The following UBE2O variants were observed in gnomAD, a reference collection of about 807,000 sequenced individuals.
UBE2O encodes the protein ubiquitin conjugating enzyme E2 O.
Under a neutral mutation model 125.8 loss-of-function variants are expected in UBE2O, and 15 were observed. The ratio of observed to expected loss-of-function variants is 0.12; its 90% CI spans 0.08 to 0.18. The LOEUF (loss-of-function observed/expected upper bound fraction) is 0.18. Among genes scored for constraint, UBE2O ranks in the 10% least tolerant of loss-of-function variants. The probability of loss-of-function intolerance (pLI) is 1.00; values close to 1 mark genes in which losing one functional copy is unlikely to be tolerated. For missense variants in UBE2O, 1,280 were observed against 1,723.6 expected (o/e 0.74, Z 4.56); for synonymous variants, 708 against 703.2 (o/e 1.01, Z -0.11).
chr17:76,412,044 T>C (rs948709101), intron 1 of UBE2O, among the ~76,000 whole-genome samples: 3 of 152,168 alleles, frequency 2.0e-5, no homozygotes, highest in African/African-American at 7.2e-5. Context: ...TCCAGCATCA[T>C]GCCAAGTGCC....
chr17:76,415,941 G>A lies in UBE2O; in HGVS notation c.418-10369C>T, dbSNP rs147327848. ...TGCACATACACGTATATACGTATGC[G>A]TATACATATGCACATACACGTATAT... is the stretch of plus-strand genomic sequence containing the variant. On this transcript the variant is annotated intron_variant, in intron 1 of 17. Transcript: ENST00000319380. 7.3e-3 allele frequency among the ~76,000 whole-genome samples: 978 copies of A among 133,650 alleles called. 7 individuals carry two copies. Among genetic ancestry groups the A allele is most frequent in the African/African-American group, 0.021 (839 of 39,800 alleles). The allele number at this position is 133,650 out of a possible 152,430, so 87.7% of individuals were successfully genotyped here.
In UBE2O at chr17:76,400,011, T is replaced by G; in HGVS notation, c.1156-90A>C. ...TCTCAGGCTGGGGGGATGACAGCTG[T>G]ATACACCTGAGTAGCCGGCAAGGGT... is the stretch of plus-strand genomic sequence containing the variant. On this transcript the variant is annotated intron_variant, in intron 8 of 17. Transcript: ENST00000319380. This position sits in a 1 kb window ranked among gnomAD's most constrained non-coding sequence, Gnocchi z 4.3. 6.5e-7 allele frequency: 1 copy of G among 1,528,482 alleles called. No homozygotes were observed. The highest frequency in any genetic ancestry group is 1.3e-5 in the South Asian group (1 of 78,724). The allele number at this position is 1,528,482 out of a possible 1,614,324, so 94.7% of individuals were successfully genotyped here. A position where few individuals can be genotyped will look rare whatever the true frequency, so the allele number is the denominator to read the frequency against.
intron 1 of UBE2O, among the ~76,000 whole-genome samples, chr17:76,424,098 C>T (rs148402990): frequency 0.022 from 3,266 of 151,464 alleles, 88 homozygotes; most frequent in South Asian, 0.089. Context: ...TTAGTAGAGA[C>T]GGGGTTTCAC....
In UBE2O at chr17:76,399,108, C is replaced by T; in HGVS notation, c.1629-117G>A. On this transcript the variant is annotated intron_variant, in intron 9 of 17. Transcript: ENST00000319380. This position sits in a 1 kb window ranked among gnomAD's most constrained non-coding sequence, Gnocchi z 6.9. The stretch of plus-strand genomic sequence containing the variant: ...GCTTGGTAACCTGAAACTCTGAATC[C>T]CAGGTTGGCAGGATGAGTCTCTGGT... 7.4e-7 allele frequency: 1 copy of T among 1,360,358 alleles called. No individual in the cohort carries two copies. The highest frequency in any genetic ancestry group is 1.4e-5 in the South Asian group (1 of 70,872). 84.3% of individuals were successfully genotyped at this position (1,360,358 alleles called of 1,614,324 possible). A position where few individuals can be genotyped will look rare whatever the true frequency, so the allele number is the denominator to read the frequency against.
intron 1 of UBE2O, among the ~76,000 whole-genome samples, chr17:76,450,410 T>A (rs1191212089): frequency 2.6e-5 from 4 of 152,000 alleles, no homozygotes; most frequent in Admixed American, 1.3e-4. Context: ...CTATTCTAAA[T>A]CCTAAAAGAA....
intron 5 of UBE2O, chr17:76,401,601 G>A (rs1392370406): frequency 5.3e-5 from 9 of 169,854 alleles, no homozygotes; most frequent in Non-Finnish European, 1.0e-4. Context: ...TAATACTGCC[G>A]GGCGCGGTGG....
rs1452301306 is a variant in UBE2O, at chr17:76,396,095, G to A, written c.2809+33C>T. 6.2e-7 allele frequency: 1 copy of A among 1,604,434 alleles called. No individual in the cohort carries two copies. Among genetic ancestry groups the A allele is most frequent in the Admixed American group, 1.7e-5 (1 of 59,298 alleles). ...ACAAACAGGAGCCCCGAGAAGGCGG[G>A]GGAAGGCGAAGACCAGGCAAGGGCT... On this transcript the variant is annotated intron_variant, in intron 14 of 17. Transcript: ENST00000319380. The surrounding 1 kb of genome is among the most constrained non-coding windows in gnomAD (Gnocchi z 6.7).
chr17:76,425,717 C>T (rs1274403113), intron 1 of UBE2O, among the ~76,000 whole-genome samples: 2 of 152,228 alleles, frequency 1.3e-5, no homozygotes, highest in Non-Finnish European at 2.9e-5. Flanking sequence ...CCTCACACAA[C>T]TATGTACATA....
Position 76,392,126 on chromosome 17 carries a change from G to C in UBE2O, c.2947-13C>G. The C allele has an allele frequency of 7.1e-7, 1 of 1,412,580 alleles. No individual in the cohort carries two copies. The highest frequency in any genetic ancestry group is 9.5e-7 in the Non-Finnish European group (1 of 1,054,234). The allele number at this position is 1,412,580 out of a possible 1,614,324, so 87.5% of individuals were successfully genotyped here. On this transcript the variant is annotated splice_polypyrimidine_tract_variant and intron_variant, in intron 15 of 17. Transcript: ENST00000319380. ...CTGAGAAGAGGTCCTAGGTAGGGAG[G>C]GAGGGAGGGAGGCCAAGGTTGGCAG...
chr17:76,393,076 T>C (rs1392824005), intron 15 of UBE2O, among the ~76,000 whole-genome samples: 1 of 151,326 alleles, frequency 6.6e-6, no homozygotes, highest in Non-Finnish European at 1.5e-5. Context: ...CTGGGCAACA[T>C]AGTGGGACCC....
intron 1 of UBE2O, among the ~76,000 whole-genome samples, chr17:76,441,775 T>C (rs1398794051): frequency 6.6e-6 from 1 of 152,202 alleles, no homozygotes; most frequent in Non-Finnish European, 1.5e-5. Context: ...CTCTCTTCAC[T>C]TCCCCCTCCC....
Position 76,424,876 on chromosome 17 carries a change from T to A in UBE2O, c.418-19304A>T, listed in dbSNP as rs112953050. ...TTTTTTTTTTTTATTTTTTATTTTT[T>A]TTTTTTGAGACAGAGTCTCGCCCTC... On this transcript the variant is annotated intron_variant, in intron 1 of 17. Coordinates refer to ENST00000319380, the MANE Select transcript of UBE2O (RefSeq NM_022066.4). 6.7e-3 allele frequency among the ~76,000 whole-genome samples: 1,009 copies of A among 150,850 alleles called. 4 individuals are homozygous for A. Among genetic ancestry groups the A allele is most frequent in the East Asian group, 0.024 (122 of 5,154 alleles).
intron 1 of UBE2O, among the ~76,000 whole-genome samples, chr17:76,428,114 T>C (rs1431023016): frequency 2.0e-5 from 3 of 152,238 alleles, no homozygotes; most frequent in Non-Finnish European, 4.4e-5. Context: ...CAAGCTACCA[T>C]GTCACTGAAA....
At position 76,391,738 on chromosome 17, in the gene UBE2O, G is replaced by A. The variant is rs753925922; in HGVS notation, c.3208+18C>T. Reference sequence around the variant, plus strand: ...CCGGCCCTCCCTTGTCCGCACCCCCGCTTCAGCCCAACTGTACCTTGGATG... The same window carrying A: ...CCGGCCCTCCCTTGTCCGCACCCCCACTTCAGCCCAACTGTACCTTGGATG... On this transcript the variant is annotated intron_variant, in intron 17 of 17. Coordinates refer to ENST00000319380, the MANE Select transcript of UBE2O (RefSeq NM_022066.4). The surrounding 1 kb of genome is among the most constrained non-coding windows in gnomAD (Gnocchi z 8.4). 36 of 1,613,432 alleles carry A rather than the reference G, an allele frequency of 2.2e-5. No homozygotes were observed. The highest frequency in any genetic ancestry group is 2.5e-5 in the Non-Finnish European group (30 of 1,179,670).
intron 1 of UBE2O, among the ~76,000 whole-genome samples, chr17:76,441,146 A>G (rs1267202229): frequency 1.3e-5 from 2 of 152,228 alleles, no homozygotes; most frequent in African/African-American, 2.4e-5. Flanking sequence ...AAGTGAGATG[A>G]CACAGGTAAA....
rs986320710 is a variant in UBE2O, at chr17:76,390,609, G to A, written c.*334C>T. On this transcript the variant is annotated 3_prime_UTR_variant, in exon 18 of 18. Transcript: ENST00000319380. The stretch of plus-strand genomic sequence containing the variant: ...AGGGAACCGGCCCAGAGAGCCCCGC[G>A]GCAGGCCCTGGAACACCCGCCTCTG... 2 of 240,470 alleles carry A rather than the reference G, an allele frequency of 8.3e-6. No individual in the cohort carries two copies. The highest frequency in any genetic ancestry group is 2.3e-5 in the African/African-American group (1 of 44,038). The allele number at this position is 240,470 out of a possible 1,614,324, so 14.9% of individuals were successfully genotyped here.
At chr17:76,421,278 A>G (rs969174586) in intron 1 of UBE2O, among the ~76,000 whole-genome samples, 1 of 152,138 alleles carries the variant, frequency 6.6e-6, no homozygotes, top group African/African-American at 2.4e-5. Flanking sequence ...CTGACACCAC[A>G]TGGTCACCAT....
chr17:76,419,526 G>C (rs771538002), intron 1 of UBE2O, among the ~76,000 whole-genome samples: 7 of 152,108 alleles, frequency 4.6e-5, no homozygotes, highest in Admixed American at 1.3e-4. Context: ...GGCACTCCCT[G>C]ACACACCCTT....
At chr17:76,409,419 CAG>C (rs1232476818) in intron 1 of UBE2O, among the ~76,000 whole-genome samples, 11 of 148,036 alleles carry the variant, frequency 7.4e-5, no homozygotes, top group African/African-American at 2.2e-4. Context: ...TTTTTTGAGA[CAG>C]AGTCTCGCTT....
Sources: allele counts gnomAD v4.1 joint callset (sites outside exome capture counted in the v4.1 genomes callset), GRCh38; gene constraint gnomAD v4.1.1; non-coding constraint Gnocchi (gnomAD v3.1); transcripts MANE v1.5; gene names NCBI Gene and HGNC (gene_info 2026-07-23, HGNC 2026-07-21).